Variants in WASHC2C observed in about 807,000 individuals in gnomAD.
WASHC2C encodes WASH complex subunit 2C.
In WASHC2C, 73 loss-of-function variants were observed where a neutral mutation model predicts 142.2. The ratio of observed to expected loss-of-function variants is 0.51; its 90% CI spans 0.43 to 0.62. The LOEUF is 0.62. WASHC2C is among the 20% of genes least tolerant of loss of function. The probability of loss-of-function intolerance (pLI) is 0.00; values close to 1 mark genes in which losing one functional copy is unlikely to be tolerated. For synonymous variants in WASHC2C, 337 were observed against 565.5 expected (o/e 0.60, Z 5.73); for missense variants, 969 against 1,531.7 (o/e 0.63, Z 6.13).
At chr10:45,747,147 A>C (rs1170547241) in intron 8 of WASHC2C, among the ~76,000 whole-genome samples, 1 of 152,034 alleles carries the variant, frequency 6.6e-6, no homozygotes, top group Non-Finnish European at 1.5e-5. Flanking sequence ...ATTTATTATT[A>C]TTATTTTTTT....
chr10:45,761,860 G>A (rs72798242), intron 17 of WASHC2C, among the ~76,000 whole-genome samples: 11,331 of 131,432 alleles, frequency 0.086, no homozygotes, highest in Admixed American at 0.16. Context: ...GGAGGGGCAC[G>A]GGATGCCTGG....
At chr10:45,746,670 A>T (rs782785498) in intron 8 of WASHC2C, 23 bp downstream of exon 8, 4 of 1,612,508 alleles carry the variant, frequency 2.5e-6, no homozygotes, top group Non-Finnish European at 3.4e-6. Flanking sequence ...TATTGAAATG[A>T]CTTTGTTTTT....
chr10:45,780,193 AGGTT>A (rs1174630948), intron 23 of WASHC2C, among the ~76,000 whole-genome samples: 6 of 150,334 alleles, frequency 4.0e-5, no homozygotes, highest in Non-Finnish European at 7.4e-5. Flanking sequence ...CTGGAATGCA[AGGTT>A]GGTTCAACAT....
intron 17 of WASHC2C, 138 bp downstream of exon 17, chr10:45,759,539 G>A (rs1156520735): frequency 4.0e-5 from 59 of 1,470,154 alleles, no homozygotes; most frequent in East Asian, 7.6e-5. Flanking sequence ...ATCTCTAGAG[G>A]CAAGGAGTGG....
chr10:45,775,680 A>ATTTTTTT (rs569006368), intron 21 of WASHC2C, among the ~76,000 whole-genome samples: 6 of 132,990 alleles, frequency 4.5e-5, no homozygotes, highest in African/African-American at 8.4e-5. Flanking sequence ...TTTGCATTGA[A>ATTTTTTT]TTTTTTTTTT....
At chr10:45,779,498 G>A (rs1287807493) in intron 23 of WASHC2C, among the ~76,000 whole-genome samples, 2 of 152,240 alleles carry the variant, frequency 1.3e-5, no homozygotes, top group Admixed American at 1.3e-4. Context: ...AAGTGTTGTA[G>A]ATGAACCTTT....
intron 4 of WASHC2C, among the ~76,000 whole-genome samples, chr10:45,739,195 G>A (rs2051661241): frequency 6.6e-6 from 1 of 150,540 alleles, no homozygotes; most frequent in Non-Finnish European, 1.5e-5. Flanking sequence ...TCAGAATCAA[G>A]CATATCCAAA....
chr10:45,788,520 G>C (rs1589971715), intron 28 of WASHC2C, among the ~76,000 whole-genome samples: 1 of 152,128 alleles, frequency 6.6e-6, no homozygotes, highest in Middle Eastern at 3.4e-3. Flanking sequence ...TGAGGGTAGA[G>C]TAGGGGCCAA....
intron 20 of WASHC2C, among the ~76,000 whole-genome samples, chr10:45,770,842 C>A (rs1170188799): frequency 5.3e-5 from 8 of 152,070 alleles, no homozygotes; most frequent in Non-Finnish European, 8.8e-5. Context: ...ATTTGTTAAA[C>A]AAAAATAAAA....
chr10:45,743,397 A>T lies in WASHC2C; in HGVS notation c.536A>T (p.Tyr179Phe). The T allele has an allele frequency of 6.2e-7, 1 of 1,611,962 alleles. No homozygotes were observed. The highest frequency in any genetic ancestry group is 8.5e-7 in the Non-Finnish European group (1 of 1,179,844). The change falls in exon 6 of 31, where the codon TAC becomes TTC. Residue 179 changes from tyrosine (Y) to phenylalanine (F), a missense_variant. Physicochemically the swap from Tyr to Phe is conservative, Grantham distance 22. Coordinates refer to ENST00000623400, the MANE Select transcript of WASHC2C (RefSeq NM_001330074.2). ...VELILEPKDL[Y>F]IDRPLPYLIG... ...TCCTTTCATCATGTACAGGATCTATACATTGATCGTCCTTTACCATATCTC... is the reference window on the plus strand; with the variant it reads ...TCCTTTCATCATGTACAGGATCTATTCATTGATCGTCCTTTACCATATCTC...
chr10:45,727,240 C>G (rs528279487), upstream of WASHC2C: 1,092 of 1,526,008 alleles, frequency 7.2e-4, 1 homozygote, highest in Non-Finnish European at 8.1e-4. Flanking sequence ...GGCAGCTTGG[C>G]TGGGGCTAGG....
At chr10:45,743,573 G>A in intron 6 of WASHC2C, 90 bp downstream of exon 6, 2 of 1,444,370 alleles carry the variant, frequency 1.4e-6, no homozygotes, top group Non-Finnish European at 1.9e-6. Flanking sequence ...TTCAAGAATA[G>A]TTCAAAGAAC....
chr10:45,756,739 C>T (rs540760000), intron 15 of WASHC2C, among the ~76,000 whole-genome samples: 1 of 152,274 alleles, frequency 6.6e-6, no homozygotes, highest in South Asian at 2.1e-4. Context: ...TAAGCCAGTC[C>T]AAGCTACTCT....
At chr10:45,789,706 A>G (rs1196856719) in intron 29 of WASHC2C, among the ~76,000 whole-genome samples, 3 of 152,252 alleles carry the variant, frequency 2.0e-5, no homozygotes, top group African/African-American at 7.2e-5. Flanking sequence ...TTGGCTGGCC[A>G]TGATCATTGA....
At chr10:45,765,899 T>C (rs2055743724) in intron 19 of WASHC2C, 89 bp downstream of exon 19, 1 of 1,542,484 alleles carries the variant, frequency 6.5e-7, no homozygotes, top group Non-Finnish European at 8.8e-7. Context: ...ACCTGTTTTA[T>C]ATCTCGTGAT....
intron 22 of WASHC2C, 53 bp downstream of exon 22, chr10:45,777,478 C>A (rs1252752544): frequency 6.2e-7 from 1 of 1,612,818 alleles, no homozygotes; most frequent in Non-Finnish European, 8.5e-7. Context: ...TATGTTGTTT[C>A]AAACACACCC....
intron 3 of WASHC2C, 150 bp from the exon 4 acceptor site, chr10:45,737,833 C>A: frequency 3.4e-6 from 5 of 1,487,794 alleles, no homozygotes; most frequent in Non-Finnish European, 4.6e-6. Context: ...CCCACTGTTA[C>A]GGACACCCAC....
chr10:45,768,233 G>GAA (rs2056159386), intron 19 of WASHC2C, among the ~76,000 whole-genome samples: 1 of 110,350 alleles, frequency 9.1e-6, no homozygotes, highest in Admixed American at 1.0e-4. Context: ...TCTCGAAAAA[G>GAA]GAAAAAAAAA....
At chr10:45,787,752 T>A (rs1554890902) in intron 28 of WASHC2C, among the ~76,000 whole-genome samples, 2 of 152,174 alleles carry the variant, frequency 1.3e-5, no homozygotes, top group Admixed American at 6.5e-5. Flanking sequence ...GTTCTGCTGC[T>A]GCCCAAGGCT....
Sources: allele counts gnomAD v4.1 joint callset (sites outside exome capture counted in the v4.1 genomes callset), GRCh38; gene constraint gnomAD v4.1.1; transcripts MANE v1.5; gene names NCBI Gene and HGNC (gene_info 2026-07-23, HGNC 2026-07-21).